MACF1: variants seen among roughly 807,000 people sequenced by gnomAD.
The protein encoded by MACF1 is microtubule-actin cross-linking factor 1.
A neutral mutation model predicts 854.8 loss-of-function variants in MACF1; 193 were observed. The ratio of observed to expected loss-of-function variants is 0.23; its 90% CI spans 0.20 to 0.25. MACF1 has a LOEUF of 0.25. Among genes scored for constraint, MACF1 ranks in the 10% least tolerant of loss-of-function variants. The probability of loss-of-function intolerance (pLI) is 1.00; values close to 1 mark genes in which losing one functional copy is unlikely to be tolerated. For synonymous variants in MACF1, 3,185 were observed against 3,226.7 expected (o/e 0.99, Z 0.44); for missense variants, 7,722 against 8,929.1 (o/e 0.86, Z 5.45).
chr1:39,417,554 G>GT (rs557585953), intron 58 of MACF1, among the ~76,000 whole-genome samples: 8,270 of 141,598 alleles, frequency 0.058, 290 homozygotes, highest in African/African-American at 0.1. Flanking sequence ...AAAAGTTTTT[G>GT]TTTTTTTTTT....
chr1:39,441,152 G>T, intron 73 of MACF1, 27 bp downstream of exon 73: 3 of 1,614,180 alleles, frequency 1.9e-6, no homozygotes, highest in Non-Finnish European at 2.5e-6. Context: ...GAGGCACTCA[G>T]TTAGAACATT....
intron 2 of MACF1, among the ~76,000 whole-genome samples, chr1:39,241,842 C>CT (rs1460799069): frequency 6.6e-6 from 1 of 152,052 alleles, no homozygotes; most frequent in African/African-American, 2.4e-5. Context: ...AGCTCTGATA[C>CT]TTTCCAGCTA....
At chr1:39,286,545 C>T (rs1645648193) in intron 14 of MACF1, among the ~76,000 whole-genome samples, 1 of 151,612 alleles carries the variant, frequency 6.6e-6, no homozygotes, top group Non-Finnish European at 1.5e-5. Context: ...CGGCTCACTG[C>T]AACTTCTGCC....
chr1:39,200,717 A>G (rs565136601), upstream of MACF1, among the ~76,000 whole-genome samples: 12 of 151,490 alleles, frequency 7.9e-5, no homozygotes, highest in East Asian at 1.9e-3. Flanking sequence ...AAAAAAAAAG[A>G]AAAAAATTCC....
intron 36 of MACF1, among the ~76,000 whole-genome samples, chr1:39,329,925 C>T (rs1421088052): frequency 6.6e-6 from 1 of 152,194 alleles, no homozygotes; most frequent in African/African-American, 2.4e-5. Context: ...CTGGGTCTGA[C>T]TCTGGGAGGA....
Position 39,442,263 on chromosome 1 carries a change from A to G in MACF1, c.18891A>G (p.Pro6297=). 1.2e-6 allele frequency: 2 copies of G among 1,609,542 alleles called. No individual in the cohort carries two copies. The highest frequency in any genetic ancestry group is 1.7e-6 in the Non-Finnish European group (2 of 1,178,544). Residue 6297 remains proline, a synonymous_variant, in exon 76 of 101, where the codon CCA becomes CCG. Transcript: ENST00000564288. The part of the protein sequence containing the change: ...DETDRDIIRE[P]LTELKHLWEN... ...CGGACAGAGACATTATACGAGAACC[A>G]CTGACAGAACTCAAACACCTCTGGG...
intron 2 of MACF1, among the ~76,000 whole-genome samples, chr1:39,156,805 T>C (rs1198283142): frequency 6.6e-6 from 1 of 152,160 alleles, no homozygotes; most frequent in Non-Finnish European, 1.5e-5. Flanking sequence ...ATCTTGCCTA[T>C]CAAGTTGCAT....
chr1:39,261,576 T>G (rs1371250279), intron 6 of MACF1, among the ~76,000 whole-genome samples: 2 of 152,224 alleles, frequency 1.3e-5, no homozygotes, highest in East Asian at 3.8e-4. Context: ...CTTTTGTATC[T>G]GGCTTTTTTC....
Position 39,453,900 on chromosome 1 carries a change from T to C in MACF1, c.20886+50T>C, listed in dbSNP as rs953084981. ...CTGCACACGCCCAGTAAACTATCAC[T>C]ATAGTATAGTATAGTATTTTTCCCC... is the stretch of plus-strand genomic sequence containing the variant. On this transcript the variant is annotated intron_variant, in intron 88 of 100. Transcript: ENST00000564288. 14 of 1,528,390 alleles carry C rather than the reference T, an allele frequency of 9.2e-6. No individual in the cohort carries two copies. The African/African-American group carries it at 1.7e-4, about 18-fold the overall frequency. 94.7% of individuals were successfully genotyped at this position (1,528,390 alleles called of 1,614,324 possible).
chr1:39,151,657 C>A (rs1643582763), intron 2 of MACF1, among the ~76,000 whole-genome samples: 1 of 152,190 alleles, frequency 6.6e-6, no homozygotes, highest in Non-Finnish European at 1.5e-5. Context: ...GGTCCCAGTT[C>A]AAGCATCATC....
chr1:39,094,407 A>G (rs1236516939), intron 2 of MACF1, among the ~76,000 whole-genome samples: 2 of 151,564 alleles, frequency 1.3e-5, no homozygotes, highest in East Asian at 3.9e-4. Context: ...TGTCTCCAAA[A>G]AAAAAAAAAG....
intron 58 of MACF1, among the ~76,000 whole-genome samples, chr1:39,396,306 C>A (rs1402153234): frequency 1.6e-4 from 22 of 137,380 alleles, no homozygotes; most frequent in Admixed American, 1.5e-4. Flanking sequence ...GGTGACAGAG[C>A]GAGACTCCAT....
intron 79 of MACF1, 120 bp downstream of exon 79, chr1:39,443,694 A>G: frequency 2.7e-6 from 3 of 1,129,180 alleles, no homozygotes; most frequent in Non-Finnish European, 3.7e-6. Context: ...TTTATCAAAC[A>G]TATAGTATAA....
Position 39,439,279 on chromosome 1 carries a change from C to G in MACF1, c.18226C>G (p.Gln6076Glu). The G allele has an allele frequency of 1.9e-6, 3 of 1,605,168 alleles. No individual in the cohort carries two copies. The highest frequency in any genetic ancestry group is 2.6e-6 in the Non-Finnish European group (3 of 1,172,266). Residue 6076 changes from glutamine to glutamate, a missense_variant, in exon 72 of 101, where the codon CAG becomes GAG. By Grantham distance (29) the Gln-to-Glu change is conservative. Transcript: ENST00000564288. ...ADKDLAAKEIQDKLDQMVFFW... is the reference protein window; with the variant it reads ...ADKDLAAKEIEDKLDQMVFFW... ...TCTTTTTTTAACCTCCTCAGAAATC[C>G]AGGATAAATTGGATCAAATGGTATT...
chr1:39,368,745 AC>A (rs1209365138), intron 50 of MACF1, among the ~76,000 whole-genome samples: 2 of 151,958 alleles, frequency 1.3e-5, no homozygotes, highest in Non-Finnish European at 2.9e-5. Flanking sequence ...CAGGTGATCG[AC>A]CTGCCTCCGC....
intron 40 of MACF1, among the ~76,000 whole-genome samples, chr1:39,342,270 T>G (rs778288769): frequency 6.6e-6 from 1 of 152,172 alleles, no homozygotes; most frequent in Non-Finnish European, 1.5e-5. Flanking sequence ...TAAAATGTGG[T>G]GTCCACATTT....
At chr1:39,351,162 G>T in intron 43 of MACF1, 144 bp downstream of exon 43, 1 of 609,792 alleles carries the variant, frequency 1.6e-6, no homozygotes, top group South Asian at 2.1e-5. Flanking sequence ...TCTGGTTTTT[G>T]TTTTTTGAGA....
chr1:39,229,548 G>A (rs971758493), intron 1 of MACF1, among the ~76,000 whole-genome samples: 2 of 152,082 alleles, frequency 1.3e-5, no homozygotes, highest in Non-Finnish European at 2.9e-5. Context: ...ACTTTCTTCC[G>A]AAATGTTCTC....
Position 39,373,910 on chromosome 1 carries a change from A to G in MACF1, c.13213+1314A>G, listed in dbSNP as rs184222929. The stretch of plus-strand genomic sequence containing the variant: ...GTACAAAGATTGTGCCCAGATGTGT[A>G]TATAATCTTTCACTGCAAATTAAGT... On this transcript the variant is annotated intron_variant, in intron 52 of 100. Coordinates refer to ENST00000564288, the MANE Select transcript of MACF1 (RefSeq NM_001394062.1). Among the ~76,000 whole-genome samples, 87 of 151,710 alleles carry G rather than the reference A, an allele frequency of 5.7e-4. 1 individual carries two copies. Among genetic ancestry groups the G allele is most frequent in the African/African-American group, 2.1e-3 (86 of 41,368 alleles).
Sources: gnomAD v4.1 joint callset for allele counts (sites outside exome capture counted in the v4.1 genomes callset) on GRCh38, gnomAD v4.1.1 for gene constraint, MANE v1.5 for transcripts, NCBI Gene and HGNC (gene_info 2026-07-23, HGNC 2026-07-21) for gene names.